The following CREB1 variants were observed in gnomAD, a reference collection of about 807,000 sequenced individuals.
The protein encoded by CREB1 is cyclic AMP-responsive element-binding protein 1.
In CREB1, 2 loss-of-function variants were observed where a neutral mutation model predicts 42.0. The ratio of observed to expected loss-of-function variants is 0.05; its 90% CI spans 0.02 to 0.15. The LOEUF (loss-of-function observed/expected upper bound fraction) is 0.15. Among genes scored for constraint, CREB1 ranks in the 10% least tolerant of loss-of-function variants. The pLI, the probability that CREB1 is intolerant of heterozygous loss-of-function variation, is 1.00. For synonymous variants in CREB1, 123 were observed against 139.9 expected, an observed-to-expected ratio of 0.88 and a Z score of 0.85; for missense variants, 199 against 388.9, an observed-to-expected ratio of 0.51 and a Z score of 4.11.
chr2:207,542,680 T>G (rs1217859728), intron 1 of CREB1, among the ~76,000 whole-genome samples: 2 of 152,210 alleles, frequency 1.3e-5, no homozygotes, highest in East Asian at 3.8e-4. Flanking sequence ...TCATCTAATT[T>G]TTCTTTTCTT....
intron 3 of CREB1, among the ~76,000 whole-genome samples, chr2:207,562,213 G>T (rs2081981802): frequency 6.6e-6 from 1 of 152,116 alleles, no homozygotes. Context: ...ATTTGCTAGT[G>T]AGGAGACCTA....
At chr2:207,537,053 TTTG>T (rs79835550) in intron 1 of CREB1, among the ~76,000 whole-genome samples, 133,327 of 151,592 alleles carry the variant, frequency 0.88, 59,988 homozygotes, top group East Asian at 1. Flanking sequence ...TACAAAGTGC[TTTG>T]TTGTTGTTGT....
At chr2:207,590,312 CCT>C (rs140908499) in intron 7 of CREB1, among the ~76,000 whole-genome samples, 2 of 151,342 alleles carry the variant, frequency 1.3e-5, no homozygotes, top group African/African-American at 2.4e-5. Context: ...TTTTGTCTTT[CCT>C]CTCTCTCTGT....
intron 1 of CREB1, among the ~76,000 whole-genome samples, chr2:207,549,577 T>G (rs2081421396): frequency 6.6e-6 from 1 of 152,220 alleles, no homozygotes; most frequent in African/African-American, 2.4e-5. Context: ...TGTAAGAATG[T>G]ATCAGCAAGG....
chr2:207,533,110 T>A (rs1266798059), intron 1 of CREB1, among the ~76,000 whole-genome samples: 1 of 151,762 alleles, frequency 6.6e-6, no homozygotes, highest in Non-Finnish European at 1.5e-5. Context: ...CATGAACACC[T>A]ACATTTAGAA....
intron 7 of CREB1, among the ~76,000 whole-genome samples, chr2:207,583,575 C>T (rs1559060636): frequency 6.6e-6 from 1 of 152,202 alleles, no homozygotes; most frequent in Non-Finnish European, 1.5e-5. Context: ...CTGCTCCTTT[C>T]TCCACCCCTT....
intron 1 of CREB1, among the ~76,000 whole-genome samples, chr2:207,541,932 A>G (rs1449038720): frequency 1.3e-5 from 2 of 152,260 alleles, no homozygotes; most frequent in East Asian, 3.8e-4. Context: ...GACATTGTGT[A>G]TAAGTGGAAT....
At chr2:207,582,894 A>C (rs1574915451) in intron 7 of CREB1, 2 of 297,368 alleles carry the variant, frequency 6.7e-6, no homozygotes, top group Non-Finnish European at 1.3e-5. Flanking sequence ...CTGTCTCAAA[A>C]AAACAAACAA....
In CREB1 at chr2:207,555,670, G is replaced by C; in HGVS notation, c.35G>C (p.Ser12Thr). 1 of 1,613,500 alleles carries C rather than the reference G, an allele frequency of 6.2e-7. No individual in the cohort carries two copies. Among genetic ancestry groups the C allele is most frequent in the South Asian group, 1.1e-5 (1 of 90,984 alleles). ...GAATCTGGAGCCGAGAACCAGCAGA[G>C]TGGAGATGCAGCTGTAACAGAAGCT... ...TMESGAENQQ[S>T]GDAAVTEAEN... Residue 12 changes from serine (S) to threonine (T), a missense_variant, in exon 2 of 8, where the codon AGT becomes ACT. Around this residue, in one of 4 missense-constraint regions of CREB1, gnomAD observed 53 missense variants for 57.1 expected, o/e 0.93. Transcript: ENST00000353267.
chr2:207,566,512 A>G (rs1219169457), intron 3 of CREB1, among the ~76,000 whole-genome samples: 2 of 152,134 alleles, frequency 1.3e-5, no homozygotes, highest in Admixed American at 1.3e-4. Context: ...AAGGTGTGAA[A>G]ATGCCACTGG....
chr2:207,586,389 C>G (rs562860993), intron 7 of CREB1, among the ~76,000 whole-genome samples: 1 of 152,086 alleles, frequency 6.6e-6, no homozygotes, highest in Non-Finnish European at 1.5e-5. Flanking sequence ...AAACTAGATA[C>G]CTATCACCAT....
At chr2:207,579,684 A>C (rs1368527486) in intron 7 of CREB1, among the ~76,000 whole-genome samples, 1 of 152,124 alleles carries the variant, frequency 6.6e-6, no homozygotes, top group African/African-American at 2.4e-5. Context: ...TTTAAAAAGG[A>C]AACTTCTCAT....
chr2:207,598,235 A>G lies in CREB1; in HGVS notation c.*1177A>G, dbSNP rs2106636828. 5 of 183,764 alleles carry G rather than the reference A, an allele frequency of 2.7e-5. No homozygotes were observed. In the South Asian group the frequency reaches 9.8e-4, roughly 36 times the overall value. 11.4% of individuals were successfully genotyped at this position (183,764 alleles called of 1,614,324 possible). A position where few individuals can be genotyped will look rare whatever the true frequency, so the allele number is the denominator to read the frequency against. ...TGCACAAGGAAAGTTATTTTCAGAC[A>G]TATTTGAATGACTGCTGTACTGCAA... On this transcript the variant is annotated 3_prime_UTR_variant, in exon 8 of 8. Coordinates refer to ENST00000353267, the MANE Select transcript of CREB1 (RefSeq NM_004379.5).
intron 7 of CREB1, among the ~76,000 whole-genome samples, chr2:207,587,465 C>T (rs937790039): frequency 4.0e-5 from 6 of 151,402 alleles, no homozygotes; most frequent in African/African-American, 1.2e-4. Flanking sequence ...AGCAATCCTA[C>T]TACTGGGTAT....
chr2:207,575,292 G>A lies in CREB1; in HGVS notation c.526G>A (p.Ala176Thr). Reference protein sequence around the residue: ...GQYIAITQGGAIQLANNGTDG... With the variant: ...GQYIAITQGGTIQLANNGTDG... ...TTTAGTTGCCATTACCCAGGGAGGA[G>A]CAATACAGCTGGCTAACAATGGTAC... Residue 176 changes from alanine to threonine, a missense_variant, in exon 6 of 8, where the codon GCA becomes ACA. Coordinates refer to ENST00000353267, the MANE Select transcript of CREB1 (RefSeq NM_004379.5). The A allele has an allele frequency of 6.2e-7, 1 of 1,613,976 alleles. No individual in the cohort carries two copies. Among genetic ancestry groups the A allele is most frequent in the South Asian group, 1.1e-5 (1 of 91,064 alleles).
chr2:207,553,213 T>C (rs2709398), intron 1 of CREB1, among the ~76,000 whole-genome samples: 25,752 of 151,570 alleles, frequency 0.17, 2,353 homozygotes, highest in Middle Eastern at 0.21. Flanking sequence ...GGATTACAGG[T>C]GCCCACTGCC....
intron 1 of CREB1, among the ~76,000 whole-genome samples, chr2:207,534,923 A>G (rs1380711024): frequency 2.0e-5 from 3 of 152,110 alleles, no homozygotes; most frequent in Non-Finnish European, 2.9e-5. Flanking sequence ...ACGCTCTCCT[A>G]TATCATGCTT....
At chr2:207,569,549 A>ACTTTGTGTATGTGTT (rs1290056758) in intron 4 of CREB1, among the ~76,000 whole-genome samples, 1 of 151,318 alleles carries the variant, frequency 6.6e-6, no homozygotes, top group Non-Finnish European at 1.5e-5. Context: ...TTACTTTCCG[A>ACTTTGTGTATGTGTT]CTTTGTGTAT....
chr2:207,569,285 G>A (rs187500459), intron 4 of CREB1, among the ~76,000 whole-genome samples: 4 of 152,244 alleles, frequency 2.6e-5, no homozygotes, highest in Admixed American at 2.0e-4. Flanking sequence ...GAATTGGGGT[G>A]AATTCCTGGA....
Sources: allele counts gnomAD v4.1 joint callset (sites outside exome capture counted in the v4.1 genomes callset), GRCh38; gene constraint gnomAD v4.1.1; regional missense constraint gnomAD v4.1.1; transcripts MANE v1.5; gene names NCBI Gene and HGNC (gene_info 2026-07-23, HGNC 2026-07-21).